The following ZNF75D variants were observed in gnomAD, a reference collection of about 807,000 sequenced individuals.
ZNF75D encodes the protein zinc finger protein 75D, also known as zinc finger protein 75.
In ZNF75D, 33 loss-of-function variants were observed where a neutral mutation model predicts 33.3. The ratio of observed to expected loss-of-function variants is 0.99; its 90% CI spans 0.75 to 1.32. The LOEUF (loss-of-function observed/expected upper bound fraction) is 1.32. ZNF75D is among the 40% of genes most tolerant of loss of function. ZNF75D has a pLI of 0.00. For missense variants in ZNF75D, 338 were observed against 367.5 expected (o/e 0.92, Z 0.66); for synonymous variants, 113 against 130.6 (o/e 0.87, Z 0.92).
At chrX:135,303,353 T>A (rs1295772301) in intron 1 of ZNF75D, among the ~76,000 whole-genome samples, 2 of 111,447 alleles carry the variant, frequency 1.8e-5, no homozygotes, top group African/African-American at 6.5e-5. Flanking sequence ...GACTATCACA[T>A]GGGGAGAAAC....
intron 1 of ZNF75D, among the ~76,000 whole-genome samples, chrX:135,259,752 G>A (rs927528335): frequency 5.0e-4 from 56 of 111,977 alleles, no homozygotes; most frequent in Non-Finnish European, 9.0e-4. Context: ...GGGACAATTT[G>A]ACTTCCTCAT....
intron 1 of ZNF75D, among the ~76,000 whole-genome samples, chrX:135,270,857 C>T (rs962853024): frequency 8.9e-6 from 1 of 111,765 alleles, no homozygotes; most frequent in African/African-American, 3.2e-5. Context: ...ATAATGGAAC[C>T]GTGAATATGT....
In ZNF75D at chrX:135,331,722, C is replaced by T. The variant is rs902128671; in HGVS notation, c.-391+10046G>A. Among the ~76,000 whole-genome samples, 11 of 111,686 alleles carry T rather than the reference C, an allele frequency of 9.8e-5. No homozygotes were observed. In the East Asian group the frequency reaches 2.8e-3, roughly 29 times the overall value. ...CTCTGGGTCCTCACAACCTGTCCAG[C>T]ACTCCCCAAGGCCTCTTCCTGTCTC... On this transcript the variant is annotated intron_variant, in intron 1 of 6. Transcript: ENST00000370766.
intron 1 of ZNF75D, among the ~76,000 whole-genome samples, chrX:135,269,822 A>C (rs186248848): frequency 3.6e-5 from 4 of 111,952 alleles, no homozygotes; most frequent in African/African-American, 1.3e-4. Context: ...GGTCACAATA[A>C]CTAAGATTTG....
intron 6 of ZNF75D, 32 bp from the exon 7 acceptor site, chrX:135,287,878 G>C: frequency 1.9e-6 from 2 of 1,058,947 alleles, no homozygotes; most frequent in Non-Finnish European, 1.3e-6. Flanking sequence ...TCAGCCATCT[G>C]TGTCCCAGTG....
intron 1 of ZNF75D, among the ~76,000 whole-genome samples, chrX:135,329,731 T>C (rs1158616965): frequency 2.7e-5 from 3 of 112,542 alleles, no homozygotes; most frequent in Non-Finnish European, 3.7e-5. Flanking sequence ...AGATATTGTA[T>C]GCTCCTCTAA....
At position 135,310,577 on chromosome X, in the gene ZNF75D, G is replaced by A. The variant is rs782513003; in HGVS notation, c.-390-14538C>T. Reference sequence around the variant, plus strand: ...CCAAGCATTTCTCTTGTCCTTTAACGTAAGCTGCAAAATAAGCCTGCAAGC... The same window carrying A: ...CCAAGCATTTCTCTTGTCCTTTAACATAAGCTGCAAAATAAGCCTGCAAGC... On this transcript the variant is annotated intron_variant, in intron 1 of 6. Coordinates refer to ENST00000370766, the MANE Select transcript of ZNF75D (RefSeq NM_007131.5). 2.7e-5 allele frequency among the ~76,000 whole-genome samples: 3 copies of A among 111,331 alleles called. No individual in the cohort carries two copies. The South Asian group carries it at 1.2e-3, about 43-fold the overall frequency.
intron 6 of ZNF75D, 56 bp from the exon 7 acceptor site, chrX:135,287,902 T>C (rs2083980521): frequency 2.2e-6 from 2 of 929,883 alleles, no homozygotes; most frequent in Non-Finnish European, 3.0e-6. Context: ...GAAAGCTACA[T>C]AAATGGAGAG....
At chrX:135,338,405 A>G (rs1248396100) in intron 1 of ZNF75D, among the ~76,000 whole-genome samples, 1 of 112,121 alleles carries the variant, frequency 8.9e-6, no homozygotes, top group Non-Finnish European at 1.9e-5. Context: ...TTACAAGTAC[A>G]TATTTCTTTT....
At chrX:135,304,162 T>C (rs1004624486) in intron 1 of ZNF75D, among the ~76,000 whole-genome samples, 10 of 111,715 alleles carry the variant, frequency 9.0e-5, no homozygotes, top group Non-Finnish European at 1.9e-4. Context: ...GAGAAGGCCA[T>C]CTCTGGCTGC....
At chrX:135,278,789 G>A (rs2083909496) in intron 1 of ZNF75D, among the ~76,000 whole-genome samples, 1 of 112,363 alleles carries the variant, frequency 8.9e-6, no homozygotes, top group Admixed American at 9.4e-5. Flanking sequence ...GATGGATTAT[G>A]TTTATTGGTT....
At chrX:135,298,075 G>T (rs1181316730) in intron 1 of ZNF75D, 1 of 111,277 alleles carries the variant, frequency 9.0e-6, no homozygotes, top group Admixed American at 9.6e-5. Flanking sequence ...CCTGCCAAAG[G>T]CCCCACCTCC....
At chrX:135,340,297 A>G (rs1274863928) in intron 1 of ZNF75D, among the ~76,000 whole-genome samples, 2 of 112,148 alleles carry the variant, frequency 1.8e-5, no homozygotes, top group Admixed American at 1.9e-4. Flanking sequence ...TAATCTCTAC[A>G]TAATAGTTCA....
intron 1 of ZNF75D, among the ~76,000 whole-genome samples, chrX:135,299,159 T>C (rs1275804216): frequency 8.9e-6 from 1 of 112,353 alleles, no homozygotes. Flanking sequence ...AGTGGTGTAA[T>C]TGCTAGATCA....
chrX:135,274,595 G>A (rs1005103291), intron 1 of ZNF75D, among the ~76,000 whole-genome samples: 4 of 111,612 alleles, frequency 3.6e-5, no homozygotes, highest in Non-Finnish European at 5.7e-5. Flanking sequence ...AATGATGCTC[G>A]CTGTTTATTA....
At chrX:135,341,351 A>G (rs1288672952) in intron 1 of ZNF75D, among the ~76,000 whole-genome samples, 1 of 112,202 alleles carries the variant, frequency 8.9e-6, no homozygotes, top group Non-Finnish European at 1.9e-5. Flanking sequence ...CAAACTTTTC[A>G]GCGATTACTG....
intron 1 of ZNF75D, among the ~76,000 whole-genome samples, chrX:135,301,646 T>C (rs1847989773): frequency 8.9e-6 from 1 of 112,054 alleles, no homozygotes; most frequent in Admixed American, 9.4e-5. Flanking sequence ...AATAATCTCC[T>C]TTAACTCCAT....
Position 135,319,633 on chromosome X carries a change from G to A in ZNF75D, c.-391+22135C>T, listed in dbSNP as rs1460571113. Among the ~76,000 whole-genome samples, 4 of 112,153 alleles carry A rather than the reference G, an allele frequency of 3.6e-5. No individual in the cohort carries two copies. The Admixed American group carries it at 3.8e-4, about 11-fold the overall frequency. On this transcript the variant is annotated intron_variant, in intron 1 of 6. Coordinates refer to ENST00000370766, the MANE Select transcript of ZNF75D (RefSeq NM_007131.5). ...TTTTGAATGATTGTGGAGGTGATTA[G>A]GGAAATTTACTGAAATGTCTAAGGA...
intron 1 of ZNF75D, among the ~76,000 whole-genome samples, chrX:135,272,891 G>T (rs2083887996): frequency 9.0e-6 from 1 of 111,674 alleles, no homozygotes; most frequent in Non-Finnish European, 1.9e-5. Flanking sequence ...ACCTCTAGAA[G>T]GTATTTAAAC....
Sources: gnomAD v4.1 joint callset for allele counts (sites outside exome capture counted in the v4.1 genomes callset) on GRCh38, gnomAD v4.1.1 for gene constraint, MANE v1.5 for transcripts, NCBI Gene and HGNC (gene_info 2026-07-23, HGNC 2026-07-21) for gene names.